The following ADAMTS19 variants were observed in gnomAD, a reference collection of about 807,000 sequenced individuals.
The protein encoded by ADAMTS19 is ADAM metallopeptidase with thrombospondin type 1 motif 19, also known as A disintegrin and metalloproteinase with thrombospondin motifs 19.
In ADAMTS19, 93 loss-of-function variants were observed where a neutral mutation model predicts 153.3. The observed-to-expected ratio is 0.61, with a 90% confidence interval of 0.51 to 0.72. The LOEUF (loss-of-function observed/expected upper bound fraction) is 0.72, where lower values mean the gene tolerates loss of function less well. Ranked by LOEUF, ADAMTS19 falls within the 30% of genes least tolerant of loss-of-function variation. The pLI is 0.00. For synonymous variants in ADAMTS19, 600 were observed against 556.6 expected, an observed-to-expected ratio of 1.08 and a Z score of -1.10; for missense variants, 1,482 against 1,552.1, an observed-to-expected ratio of 0.95 and a Z score of 0.76.
intron 11 of ADAMTS19, among the ~76,000 whole-genome samples, chr5:129,646,656 A>C (rs577770345): frequency 1.3e-5 from 2 of 152,238 alleles, no homozygotes; most frequent in South Asian, 2.1e-4. Flanking sequence ...CCTAAAAAAA[A>C]CTGTTAGGTA....
At chr5:129,667,733 A>G (rs995386536) in intron 16 of ADAMTS19, among the ~76,000 whole-genome samples, 1 of 152,056 alleles carries the variant, frequency 6.6e-6, no homozygotes, top group Non-Finnish European at 1.5e-5. Context: ...TATACAGCCC[A>G]CAGAACCGAG....
chr5:129,567,751 GA>G (rs887911018), intron 7 of ADAMTS19, among the ~76,000 whole-genome samples: 8 of 146,280 alleles, frequency 5.5e-5, no homozygotes, highest in East Asian at 2.0e-4. Flanking sequence ...TCCAGGAGAA[GA>G]AAAAAAAAAT....
intron 21 of ADAMTS19, among the ~76,000 whole-genome samples, chr5:129,711,775 G>C (rs916731526): frequency 5.3e-5 from 8 of 152,080 alleles, no homozygotes; most frequent in African/African-American, 1.9e-4. Flanking sequence ...GAAAAATGCT[G>C]GTGTTAAATA....
intron 2 of ADAMTS19, among the ~76,000 whole-genome samples, chr5:129,477,592 A>C (rs1473496249): frequency 6.6e-6 from 1 of 152,198 alleles, no homozygotes; most frequent in African/African-American, 2.4e-5. Flanking sequence ...CCTTGGGGAC[A>C]CCCTAACACT....
intron 2 of ADAMTS19, among the ~76,000 whole-genome samples, chr5:129,473,361 G>A (rs1383846939): frequency 6.6e-6 from 1 of 152,054 alleles, no homozygotes; most frequent in East Asian, 1.9e-4. Flanking sequence ...CAACAAATAT[G>A]TTAGTCTGCC....
intron 7 of ADAMTS19, among the ~76,000 whole-genome samples, chr5:129,579,142 C>A (rs543472461): frequency 6.6e-6 from 1 of 152,084 alleles, no homozygotes; most frequent in African/African-American, 2.4e-5. Context: ...TTCTAACTGG[C>A]GTGAGATAGT....
chr5:129,601,562 G>C (rs910299784), intron 8 of ADAMTS19, among the ~76,000 whole-genome samples: 1 of 152,098 alleles, frequency 6.6e-6, no homozygotes, highest in Non-Finnish European at 1.5e-5. Context: ...TCAGCAAAGT[G>C]GTTTTGCTCA....
Position 129,461,487 on chromosome 5 carries a change from C to T in ADAMTS19, c.477C>T (p.Pro159=). 1.3e-6 allele frequency: 2 copies of T among 1,491,440 alleles called. No homozygotes were observed. The highest frequency in any genetic ancestry group is 1.8e-6 in the Non-Finnish European group (2 of 1,129,906). 92.4% of individuals were successfully genotyped at this position (1,491,440 alleles called of 1,614,324 possible). A position where few individuals can be genotyped will look rare whatever the true frequency, so the allele number is the denominator to read the frequency against. ...PPPPQPPPSP[P]PAQHAEPDGD... is the part of the protein sequence containing the mutation. ...CCCCGCAGCCGCCCCCGTCCCCGCC[C>T]CCGGCCCAGCATGCCGAGCCGGATG... The change falls in exon 2 of 23, where the codon CCC becomes CCT. Residue 159 remains proline (P), a synonymous_variant. Coordinates refer to ENST00000274487, the MANE Select transcript of ADAMTS19 (RefSeq NM_133638.6). This position sits in a 1 kb window ranked among gnomAD's most constrained non-coding sequence, Gnocchi z 4.6.
chr5:129,682,854 C>T (rs569571970), intron 17 of ADAMTS19, among the ~76,000 whole-genome samples: 2 of 152,072 alleles, frequency 1.3e-5, no homozygotes, highest in African/African-American at 4.8e-5. Flanking sequence ...CATCAAAATA[C>T]ATCTTAGGCA....
Position 129,460,359 on chromosome 5 carries a change from C to T in ADAMTS19, c.-33C>T, listed in dbSNP as rs529860940. 1.5e-5 allele frequency: 24 copies of T among 1,588,476 alleles called. 2 individuals carry two copies. The East Asian group carries it at 2.1e-4, about 14-fold the overall frequency. On this transcript the variant is annotated 5_prime_UTR_variant, in exon 1 of 23. Transcript: ENST00000274487. ...GAGTGGATCGCGCTGGAGGCGTGCG[C>T]CGGGCGAGAAGCCGCGGCCGCGGGA...
chr5:129,708,223 A>G (rs1312812844), intron 21 of ADAMTS19, among the ~76,000 whole-genome samples: 1 of 152,174 alleles, frequency 6.6e-6, no homozygotes, highest in Admixed American at 6.5e-5. Flanking sequence ...TTGTTGAAAA[A>G]TGTTCACGTT....
intron 21 of ADAMTS19, among the ~76,000 whole-genome samples, chr5:129,728,241 A>G (rs1757289200): frequency 6.6e-6 from 1 of 152,200 alleles, no homozygotes; most frequent in Admixed American, 6.5e-5. Context: ...TCTGTCCCGG[A>G]AAATTCATGA....
chr5:129,502,233 A>G (rs1751129315), intron 2 of ADAMTS19, among the ~76,000 whole-genome samples: 1 of 152,086 alleles, frequency 6.6e-6, no homozygotes, highest in Non-Finnish European at 1.5e-5. Context: ...TGCCGCAGAG[A>G]GGGGAATAAA....
At chr5:129,724,099 C>G (rs1423198393) in intron 21 of ADAMTS19, among the ~76,000 whole-genome samples, 1 of 152,160 alleles carries the variant, frequency 6.6e-6, no homozygotes, top group East Asian at 1.9e-4. Context: ...TGTTTCTTAT[C>G]AGATTCAAAA....
chr5:129,479,630 T>C (rs1018169965), intron 2 of ADAMTS19, among the ~76,000 whole-genome samples: 6 of 152,208 alleles, frequency 3.9e-5, no homozygotes, highest in African/African-American at 1.4e-4. Context: ...ACAAGTTTCA[T>C]GTACAAATAC....
intron 5 of ADAMTS19, among the ~76,000 whole-genome samples, chr5:129,528,218 A>C (rs1752083051): frequency 6.6e-6 from 1 of 152,052 alleles, no homozygotes; most frequent in South Asian, 2.1e-4. Context: ...TCTACATAGA[A>C]AATGTTGTTC....
At chr5:129,658,094 G>A (rs976065045) in intron 14 of ADAMTS19, among the ~76,000 whole-genome samples, 12 of 152,096 alleles carry the variant, frequency 7.9e-5, no homozygotes, top group Admixed American at 6.6e-4. Context: ...AGACCAGCGT[G>A]AGCAACATGG....
intron 2 of ADAMTS19, among the ~76,000 whole-genome samples, chr5:129,469,766 G>T (rs1034963518): frequency 1.3e-5 from 2 of 152,132 alleles, no homozygotes; most frequent in Non-Finnish European, 2.9e-5. Flanking sequence ...TCCTTTTAGA[G>T]TTCATCACAG....
chr5:129,586,910 C>A (rs1458447996), intron 7 of ADAMTS19, among the ~76,000 whole-genome samples: 1 of 152,074 alleles, frequency 6.6e-6, no homozygotes, highest in Non-Finnish European at 1.5e-5. Context: ...GATTAATTCT[C>A]AAATAAAAAT....
Sources: gnomAD v4.1 joint callset for allele counts (sites outside exome capture counted in the v4.1 genomes callset) on GRCh38, gnomAD v4.1.1 for gene constraint, Gnocchi (gnomAD v3.1) non-coding constraint, MANE v1.5 for transcripts, NCBI Gene and HGNC (gene_info 2026-07-23, HGNC 2026-07-21) for gene names.